The following CAMKMT variants were observed in gnomAD, a reference collection of about 807,000 sequenced individuals.
The protein encoded by CAMKMT is CaM KMT.
In CAMKMT, 53 loss-of-function variants were observed where a neutral mutation model predicts 48.0. The ratio of observed to expected loss-of-function variants is 1.10; its 90% CI spans 0.89 to 1.39. The LOEUF is 1.39. Ranked by LOEUF, CAMKMT falls within the 40% of genes most tolerant of loss-of-function variation. CAMKMT has a pLI of 0.00. For missense variants in CAMKMT, 428 were observed against 402.7 expected (o/e 1.06, Z -0.54); for synonymous variants, 165 against 152.3 (o/e 1.08, Z -0.61).
intron 6 of CAMKMT, among the ~76,000 whole-genome samples, chr2:44,710,820 C>G (rs1677839996): frequency 6.6e-6 from 1 of 152,148 alleles, no homozygotes; most frequent in East Asian, 1.9e-4. Flanking sequence ...GTGAGCAACC[C>G]TCTCTGGCTA....
At chr2:44,528,682 A>C (rs1666304738) in intron 3 of CAMKMT, among the ~76,000 whole-genome samples, 1 of 152,102 alleles carries the variant, frequency 6.6e-6, no homozygotes, top group African/African-American at 2.4e-5. Flanking sequence ...TGTCTCTTTC[A>C]ATCTATAGCT....
chr2:44,654,709 T>C (rs1054855539), intron 3 of CAMKMT, among the ~76,000 whole-genome samples: 1 of 152,192 alleles, frequency 6.6e-6, no homozygotes, highest in Admixed American at 6.5e-5. Flanking sequence ...GAGACAGGGT[T>C]TCGCCATGTT....
intron 3 of CAMKMT, among the ~76,000 whole-genome samples, chr2:44,522,219 A>G (rs1671153356): frequency 6.6e-6 from 1 of 151,698 alleles, no homozygotes; most frequent in African/African-American, 2.4e-5. Flanking sequence ...ATTAGCCGGG[A>G]TGGTCTTGAT....
intron 3 of CAMKMT, among the ~76,000 whole-genome samples, chr2:44,511,606 T>A (rs540523183): frequency 1.8e-4 from 27 of 152,314 alleles, no homozygotes; most frequent in African/African-American, 6.5e-4. Context: ...TTCCTTTTTA[T>A]GGCTGACTAG....
At chr2:44,376,278 GTGGTT>G (rs1679681397) in intron 2 of CAMKMT, among the ~76,000 whole-genome samples, 1 of 151,994 alleles carries the variant, frequency 6.6e-6, no homozygotes, top group African/African-American at 2.4e-5. Flanking sequence ...GCTGGACATG[GTGGTT>G]CATGCCTGTA....
intron 3 of CAMKMT, among the ~76,000 whole-genome samples, chr2:44,515,506 C>A (rs1450705679): frequency 6.6e-6 from 1 of 152,162 alleles, no homozygotes; most frequent in Non-Finnish European, 1.5e-5. Flanking sequence ...CTGTCAGTCA[C>A]AGAGATCTTA....
intron 1 of CAMKMT, chr2:44,370,135 T>G (rs937685073): frequency 6.6e-5 from 10 of 152,222 alleles, no homozygotes; most frequent in African/African-American, 2.4e-4. Flanking sequence ...TCTTGTGAGC[T>G]CTCTGACGTT....
chr2:44,593,985 A>G (rs561114906), intron 3 of CAMKMT, among the ~76,000 whole-genome samples: 4 of 151,760 alleles, frequency 2.6e-5, no homozygotes, highest in Middle Eastern at 6.8e-3. Flanking sequence ...CTGGTCTCGA[A>G]CTCCCCACCT....
chr2:44,577,784 C>A (rs1448581235), intron 3 of CAMKMT, among the ~76,000 whole-genome samples: 3 of 152,108 alleles, frequency 2.0e-5, no homozygotes, highest in South Asian at 4.2e-4. Flanking sequence ...TCTTATCAAC[C>A]AGAGGCTGGG....
chr2:44,452,877 T>G (rs1277337502), intron 3 of CAMKMT, among the ~76,000 whole-genome samples: 1 of 151,980 alleles, frequency 6.6e-6, no homozygotes, highest in South Asian at 2.1e-4. Flanking sequence ...TTGGATGCCT[T>G]TGGGGTTGTG....
chr2:44,550,676 AC>A (rs1259688836), intron 3 of CAMKMT: 1 of 151,882 alleles, frequency 6.6e-6, no homozygotes, highest in Non-Finnish European at 1.5e-5. Context: ...CCATCTATCC[AC>A]TCTTTTCTGA....
At chr2:44,402,856 T>TC (rs1682519373) in intron 3 of CAMKMT, among the ~76,000 whole-genome samples, 1 of 151,270 alleles carries the variant, frequency 6.6e-6, no homozygotes, top group African/African-American at 2.4e-5. Context: ...CTTAGCTTTT[T>TC]CCCCCATAGC....
chr2:44,480,800 A>C (rs1272127713), intron 3 of CAMKMT, among the ~76,000 whole-genome samples: 1 of 152,086 alleles, frequency 6.6e-6, no homozygotes, highest in Admixed American at 6.6e-5. Flanking sequence ...TTTGAACCAT[A>C]TTTTTGGAAC....
At chr2:44,505,482 T>A (rs977956527) in intron 3 of CAMKMT, among the ~76,000 whole-genome samples, 1 of 152,176 alleles carries the variant, frequency 6.6e-6, no homozygotes, top group African/African-American at 2.4e-5. Context: ...CCTGAAAACT[T>A]TTCTTCTGTT....
chr2:44,641,165 C>T (rs1673432323), intron 3 of CAMKMT, among the ~76,000 whole-genome samples: 1 of 152,184 alleles, frequency 6.6e-6, no homozygotes, highest in African/African-American at 2.4e-5. Context: ...TAAATATCTT[C>T]TTAAATGGCA....
Position 44,362,418 on chromosome 2 carries a change from C to T in CAMKMT, c.138+273C>T, listed in dbSNP as rs138213770. Among the ~76,000 whole-genome samples, 291 of 152,264 alleles carry T rather than the reference C, an allele frequency of 1.9e-3. 2 individuals are homozygous for T. The highest frequency in any genetic ancestry group is 3.2e-3 in the African/African-American group (135 of 41,562). On this transcript the variant is annotated intron_variant, in intron 1 of 10. Coordinates refer to ENST00000378494, the MANE Select transcript of CAMKMT (RefSeq NM_024766.5). ...AGAACCCCTTCTAGACATTTTTGTGCGTCTGGGGGACTTTTCCCCTTCTCG... is the reference window on the plus strand; with the variant it reads ...AGAACCCCTTCTAGACATTTTTGTGTGTCTGGGGGACTTTTCCCCTTCTCG...
chr2:44,602,019 T>C (rs1671021699), intron 3 of CAMKMT, among the ~76,000 whole-genome samples: 1 of 152,050 alleles, frequency 6.6e-6, no homozygotes, highest in African/African-American at 2.4e-5. Context: ...TTTATTTATT[T>C]ATTTGAGACA....
chr2:44,497,374 A>C (rs900727984), intron 3 of CAMKMT, among the ~76,000 whole-genome samples: 11 of 152,186 alleles, frequency 7.2e-5, no homozygotes, highest in Non-Finnish European at 1.5e-5. Flanking sequence ...ACTTGGGATA[A>C]GAAATAAAAA....
chr2:44,701,802 T>C (rs1677273228), intron 3 of CAMKMT, among the ~76,000 whole-genome samples: 1 of 152,216 alleles, frequency 6.6e-6, no homozygotes, highest in Admixed American at 6.5e-5. Context: ...ATTTTTATTT[T>C]CTAGTAAAGC....
Sources: allele counts gnomAD v4.1 joint callset (sites outside exome capture counted in the v4.1 genomes callset), GRCh38; gene constraint gnomAD v4.1.1; transcripts MANE v1.5; gene names NCBI Gene and HGNC (gene_info 2026-07-23, HGNC 2026-07-21).